Variants in DBN1 observed in about 807,000 individuals in gnomAD.
DBN1 encodes the protein drebrin.
DBN1 carries 21 observed loss-of-function variants against 83.5 expected under a neutral mutation model. The ratio of observed to expected loss-of-function variants is 0.25; its 90% CI spans 0.18 to 0.36. The LOEUF is 0.36. Among genes scored for constraint, DBN1 ranks in the 10% least tolerant of loss-of-function variants. The pLI is 1.00. For missense variants in DBN1, 874 were observed against 935.7 expected, an observed-to-expected ratio of 0.93 and a Z score of 0.86; for synonymous variants, 381 against 384.9, an observed-to-expected ratio of 0.99 and a Z score of 0.12.
intron 2 of DBN1, 94 bp downstream of exon 2, chr5:177,468,750 G>A: frequency 3.9e-6 from 3 of 776,930 alleles, no homozygotes; most frequent in Non-Finnish European, 3.8e-6. Context: ...GCAGGGTGCA[G>A]GCAGGGAGGT....
intron 13 of DBN1, 36 bp downstream of exon 13, chr5:177,458,022 C>T: frequency 2.5e-6 from 4 of 1,612,926 alleles, no homozygotes; most frequent in Non-Finnish European, 3.4e-6. Flanking sequence ...GCCCCCACTC[C>T]CTCCCATCCC....
intron 8 of DBN1, among the ~76,000 whole-genome samples, chr5:177,465,161 T>G (rs1198326234): frequency 2.0e-5 from 3 of 152,044 alleles, no homozygotes; most frequent in Non-Finnish European, 4.4e-5. Context: ...TCAAAAAAAT[T>G]TAAAAAATAA....
rs371071053 is a variant in DBN1 at position 177,473,561 on chromosome 5, C to T, written c.-40G>A. On this transcript the variant is annotated 5_prime_UTR_variant, in exon 1 of 15. Transcript: ENST00000393565. ...CGGGCCGAACGGACAGACGCGCGGA[C>T]GGACGGGCGGACGGAGGAGGAGGGA... 312 of 1,174,488 alleles carry T rather than the reference C, an allele frequency of 2.7e-4. 1 individual carries two copies. The African/African-American group carries it at 4.6e-3, about 17-fold the overall frequency. The allele number at this position is 1,174,488 out of a possible 1,614,324, so 72.8% of individuals were successfully genotyped here.
chr5:177,463,161 C>T (rs1476441409), intron 8 of DBN1, among the ~76,000 whole-genome samples: 6 of 152,156 alleles, frequency 3.9e-5, no homozygotes, highest in South Asian at 2.1e-4. Context: ...CTCAGCCTCC[C>T]GAGTAGCTGG....
chr5:177,459,401 G>C (rs937637580), intron 11 of DBN1, 133 bp from the exon 12 acceptor site: 9 of 1,442,494 alleles, frequency 6.2e-6, no homozygotes, highest in South Asian at 1.4e-5. Context: ...GCCCCACCAG[G>C]GGCCAGACTA....
rs1436756669 is a variant in DBN1, at chr5:177,456,700, A to C, written c.*733T>G. On this transcript the variant is annotated 3_prime_UTR_variant, in exon 15 of 15. Transcript: ENST00000393565. ...AAAAAAAAAAAAAAAAAAAAAAAAA[A>C]ACAGTTACTAAACGTGAAAAAGGAA... is the stretch of plus-strand genomic sequence containing the variant. The C allele has an allele frequency of 7.3e-6, 1 of 136,506 alleles. No homozygotes were observed. Among genetic ancestry groups the C allele is most frequent in the Non-Finnish European group, 1.6e-5 (1 of 60,844 alleles). 8.5% of individuals were successfully genotyped at this position (136,506 alleles called of 1,614,324 possible).
At position 177,466,955 on chromosome 5, in the gene DBN1, G is replaced by A. The variant is rs372439938; in HGVS notation, c.663C>T (p.Arg221=). ...MEQERQEQEE[R]ERRYREREQQ... The stretch of plus-strand genomic sequence containing the variant: ...GCTCCCGCTCCCGGTAGCGCCGCTC[G>A]CGCTCCTCTTGCTCCTGCCGCTCCT... Residue 221 remains arginine (R), a synonymous_variant, in exon 7 of 15, where the codon CGC becomes CGT. Coordinates refer to ENST00000393565, the MANE Select transcript of DBN1 (RefSeq NM_001363541.2). The surrounding 1 kb of genome is among the most constrained non-coding windows in gnomAD (Gnocchi z 4.8). 1.2e-4 allele frequency: 198 copies of A among 1,612,650 alleles called. No individual in the cohort carries two copies. Among genetic ancestry groups the A allele is most frequent in the Middle Eastern group, 8.2e-4 (5 of 6,084 alleles).
chr5:177,459,044 C>T (rs1416713655), intron 12 of DBN1, 54 bp downstream of exon 12: 2 of 1,542,610 alleles, frequency 1.3e-6, no homozygotes, highest in Non-Finnish European at 1.7e-6. Flanking sequence ...ACCTGGGGCT[C>T]CCAGCCAGGG....
chr5:177,459,639 A>C lies in DBN1; in HGVS notation c.1057T>G (p.Cys353Gly). Residue 353 changes from cysteine to glycine, a missense_variant, in exon 11 of 15, where the codon TGC becomes GGC. Coordinates refer to ENST00000393565, the MANE Select transcript of DBN1 (RefSeq NM_001363541.2). ...PPRTPFPYIT[C>G]HRTPNLSSSL... ...GAAGAGAGGTTTGGGGTGCGGTGGC[A>C]GGTGATATAGGGAAAGGGAGTCCGT... 6.3e-7 allele frequency: 1 copy of C among 1,577,648 alleles called. No homozygotes were observed. The highest frequency in any genetic ancestry group is 8.6e-7 in the Non-Finnish European group (1 of 1,162,250).
At chr5:177,471,408 G>C (rs1757833075) in intron 1 of DBN1, among the ~76,000 whole-genome samples, 1 of 152,086 alleles carries the variant, frequency 6.6e-6, no homozygotes, top group African/African-American at 2.4e-5. Flanking sequence ...TGCCAGAGTA[G>C]TGGTGCACTT....
At position 177,457,347 on chromosome 5, in the gene DBN1, G is replaced by T; in HGVS notation, c.*86C>A. The stretch of plus-strand genomic sequence containing the variant: ...GGAGTGGGTGCCAGGCGGAGCTGCT[G>T]CGAATGCAGGCACGGCGGGCCGTCT... On this transcript the variant is annotated 3_prime_UTR_variant, in exon 15 of 15. Coordinates refer to ENST00000393565, the MANE Select transcript of DBN1 (RefSeq NM_001363541.2). 8.4e-7 allele frequency: 1 copy of T among 1,183,646 alleles called. No homozygotes were observed. The highest frequency in any genetic ancestry group is 1.3e-6 in the Non-Finnish European group (1 of 791,322). The allele number at this position is 1,183,646 out of a possible 1,614,324, so 73.3% of individuals were successfully genotyped here. A position where few individuals can be genotyped will look rare whatever the true frequency, so the allele number is the denominator to read the frequency against.
rs200998763 is a variant in DBN1 at position 177,466,830 on chromosome 5, T to C, written c.713A>G (p.Lys238Arg). ...REQQIEEHRR[K>R]QQTLEAEEAK... ...CTCTTCCGCTTCTAAAGTCTGCTGTTTCCTCCTGGAACGATAAGCAGCCAG... is the reference window on the plus strand; with the variant it reads ...CTCTTCCGCTTCTAAAGTCTGCTGTCTCCTCCTGGAACGATAAGCAGCCAG... The change falls in exon 8 of 15, where the codon AAA becomes AGA. Residue 238 changes from lysine (K) to arginine (R), a missense_variant. Coordinates refer to ENST00000393565, the MANE Select transcript of DBN1 (RefSeq NM_001363541.2). The surrounding 1 kb of genome is among the most constrained non-coding windows in gnomAD (Gnocchi z 4.8). 1.9e-6 allele frequency: 3 copies of C among 1,614,088 alleles called. No individual in the cohort carries two copies. The South Asian group carries it at 3.3e-5, about 18-fold the overall frequency.
In DBN1 at chr5:177,467,692, A is replaced by AG; in HGVS notation, c.330+50dup. The AG allele has an allele frequency of 2.6e-6, 4 of 1,553,720 alleles. No homozygotes were observed. The highest frequency in any genetic ancestry group is 3.5e-6 in the Non-Finnish European group (4 of 1,148,540). On this transcript the variant is annotated intron_variant, in intron 4 of 14. Transcript: ENST00000393565. The surrounding 1 kb of genome is among the most constrained non-coding windows in gnomAD (Gnocchi z 9.1). ...TCCCGCCATCCCCACCCCAGCACGC[A>AG]GACCCTGGTGGCTGTCCCCACCCCC...
Position 177,458,476 on chromosome 5 carries a change from A to G in DBN1, c.1496T>C (p.Ile499Thr), listed in dbSNP as rs1756735792. ...GTCAGCAGTGGCAGTGTCAGTTTCA[A>G]TGGTGTCAGCTGCATCGTGGATCTC... ...ATEIHDAADT[I>T]ETDTATADTT... The change falls in exon 13 of 15, where the codon ATT (isoleucine) becomes ACT (threonine). Residue 499 changes from isoleucine (I) to threonine (T), a missense_variant. Ile to Thr is a moderately conservative substitution (Grantham distance 89). Around this residue, in one of 4 missense-constraint regions of DBN1, gnomAD observed 725 missense variants for 719.7 expected, o/e 1.01. Transcript: ENST00000393565. The G allele has an allele frequency of 1.2e-6, 2 of 1,613,656 alleles. No homozygotes were observed. The highest frequency in any genetic ancestry group is 1.3e-5 in the African/African-American group (1 of 75,002).
chr5:177,469,995 G>C (rs1581736771), intron 1 of DBN1, among the ~76,000 whole-genome samples: 1 of 152,352 alleles, frequency 6.6e-6, no homozygotes, highest in Non-Finnish European at 1.5e-5. Context: ...GAAACCAGGA[G>C]AGGAGGAAGA....
Position 177,458,275 on chromosome 5 carries a change from A to G in DBN1, c.1697T>C (p.Leu566Pro), listed in dbSNP as rs1490054935. The G allele has an allele frequency of 1.2e-6, 2 of 1,613,538 alleles. No individual in the cohort carries two copies. The highest frequency in any genetic ancestry group is 1.7e-5 in the Admixed American group (1 of 60,000). ...GGCACAGCCTTCGCCTGCTGGCAGCAGTGGCTCCGGAGCCACCTCATCCAG... is the reference window on the plus strand; with the variant it reads ...GGCACAGCCTTCGCCTGCTGGCAGCGGTGGCTCCGGAGCCACCTCATCCAG... ...PLLDEVAPEP[L>P]LPAGEGCATL... Residue 566 changes from leucine (L) to proline (P), a missense_variant, in exon 13 of 15, where the codon CTG becomes CCG. Physicochemically the swap from Leu to Pro is moderately conservative, Grantham distance 98. Coordinates refer to ENST00000393565, the MANE Select transcript of DBN1 (RefSeq NM_001363541.2).
rs139533737 is a variant in DBN1 at position 177,471,534 on chromosome 5, T to C, written c.86+1902A>G. 4.8e-3 allele frequency among the ~76,000 whole-genome samples: 724 copies of C among 152,244 alleles called. 5 individuals carry two copies. Among genetic ancestry groups the C allele is most frequent in the African/African-American group, 0.017 (690 of 41,522 alleles). On this transcript the variant is annotated intron_variant, in intron 1 of 14. Coordinates refer to ENST00000393565, the MANE Select transcript of DBN1 (RefSeq NM_001363541.2). ...CAAGACACCCCTCCCTCTGGACCTA[T>C]GTGCAGGGTCTGCCTCTGAGTCTTC...
intron 11 of DBN1, 127 bp downstream of exon 11, chr5:177,459,476 C>A (rs1312874464): frequency 3.0e-6 from 4 of 1,333,500 alleles, no homozygotes; most frequent in Non-Finnish European, 3.0e-6. Context: ...GGGCAAGAGG[C>A]AGGCAGTGCC....
In DBN1 at chr5:177,459,682, A is replaced by G. The variant is rs1055977304; in HGVS notation, c.1014T>C (p.Ser338=). ...ASDSGPSSSS[S]SSSSPPRTPF... The stretch of plus-strand genomic sequence containing the variant: ...GAGTCCGTGGAGGGGAGGAGGAGGA[A>G]GAGGAGGAGGAGGAAGGCCCACTGT... The change falls in exon 11 of 15, where the codon TCT becomes TCC. Residue 338 remains serine (S), a synonymous_variant. Coordinates refer to ENST00000393565, the MANE Select transcript of DBN1 (RefSeq NM_001363541.2). The G allele has an allele frequency of 3.8e-6, 6 of 1,592,078 alleles. No homozygotes were observed. The highest frequency in any genetic ancestry group is 5.1e-6 in the Non-Finnish European group (6 of 1,169,622).
Sources: allele counts gnomAD v4.1 joint callset (sites outside exome capture counted in the v4.1 genomes callset), GRCh38; gene constraint gnomAD v4.1.1; regional missense constraint gnomAD v4.1.1; non-coding constraint Gnocchi (gnomAD v3.1); transcripts MANE v1.5; gene names NCBI Gene and HGNC (gene_info 2026-07-23, HGNC 2026-07-21).